The following IMMP2L variants were observed in gnomAD, a reference collection of about 807,000 sequenced individuals.
The protein encoded by IMMP2L is mitochondrial inner membrane protease subunit 2.
In IMMP2L, 18 loss-of-function variants were observed where a neutral mutation model predicts 19.3. That is an observed-to-expected ratio of 0.93 (90% CI 0.64 to 1.38). IMMP2L has a LOEUF of 1.38. Among genes scored for constraint, IMMP2L ranks in the 40% most tolerant of loss-of-function variants. The probability of loss-of-function intolerance (pLI) is 0.00; values close to 1 mark genes in which losing one functional copy is unlikely to be tolerated. For missense variants in IMMP2L, 233 were observed against 218.2 expected, an observed-to-expected ratio of 1.07 and a Z score of -0.43; for synonymous variants, 76 against 73.0, an observed-to-expected ratio of 1.04 and a Z score of -0.21.
chr7:111,170,601 G>A (rs1003264866), intron 3 of IMMP2L, among the ~76,000 whole-genome samples: 1 of 151,714 alleles, frequency 6.6e-6, no homozygotes, highest in Non-Finnish European at 1.5e-5. Context: ...CAAAAGGTTA[G>A]CCCTAGAAAA....
chr7:111,539,132 A>AAAGG (rs1170750244), intron 1 of IMMP2L, among the ~76,000 whole-genome samples: 62 of 61,650 alleles, frequency 1.0e-3, no homozygotes, highest in Non-Finnish European at 1.7e-3. Context: ...AAAGAAAAGA[A>AAAGG]AAGGAAGGAA....
intron 3 of IMMP2L, among the ~76,000 whole-genome samples, chr7:111,251,994 C>T (rs1476709681): frequency 1.3e-5 from 2 of 151,770 alleles, no homozygotes; most frequent in Admixed American, 6.6e-5. Context: ...AAACTCTCTC[C>T]TGAAAAAAAA....
chr7:111,002,005 C>G (rs1823755707), intron 3 of IMMP2L, among the ~76,000 whole-genome samples: 1 of 151,908 alleles, frequency 6.6e-6, no homozygotes, highest in Non-Finnish European at 1.5e-5. Flanking sequence ...ACTGAGCAAA[C>G]TAAAATTAAA....
chr7:111,186,287 G>A (rs1808254239), intron 3 of IMMP2L, among the ~76,000 whole-genome samples: 1 of 152,142 alleles, frequency 6.6e-6, no homozygotes, highest in South Asian at 2.1e-4. Flanking sequence ...GCGGGCATGT[G>A]ATTGTCACAA....
At chr7:110,916,912 T>G (rs1216803236) in intron 4 of IMMP2L, among the ~76,000 whole-genome samples, 2 of 152,268 alleles carry the variant, frequency 1.3e-5, no homozygotes, top group African/African-American at 4.8e-5. Flanking sequence ...AAAAAGATGT[T>G]TGCAGTTGGT....
chr7:111,217,439 A>C (rs776355088), intron 3 of IMMP2L, among the ~76,000 whole-genome samples: 16 of 152,024 alleles, frequency 1.1e-4, no homozygotes, highest in Non-Finnish European at 1.9e-4. Context: ...GATGGTGTTC[A>C]CCTTAGACTA....
intron 5 of IMMP2L, among the ~76,000 whole-genome samples, chr7:110,862,104 G>A (rs1396561814): frequency 6.6e-6 from 1 of 151,936 alleles, no homozygotes; most frequent in Non-Finnish European, 1.5e-5. Flanking sequence ...TGCATGTATG[G>A]ATAAGCAACA....
intron 3 of IMMP2L, among the ~76,000 whole-genome samples, chr7:111,020,078 A>G (rs1044015846): frequency 2.0e-5 from 3 of 148,278 alleles, no homozygotes; most frequent in African/African-American, 7.6e-5. Flanking sequence ...CACTAGGGAT[A>G]CAACAATTAA....
At chr7:111,492,977 G>A (rs996085044) in intron 2 of IMMP2L, among the ~76,000 whole-genome samples, 7 of 152,080 alleles carry the variant, frequency 4.6e-5, no homozygotes, top group African/African-American at 1.4e-4. Context: ...TGCTGAAACC[G>A]TGTCTTAGCC....
intron 5 of IMMP2L, among the ~76,000 whole-genome samples, chr7:110,832,735 C>G (rs1435919532): frequency 6.6e-6 from 1 of 152,062 alleles, no homozygotes; most frequent in Non-Finnish European, 1.5e-5. Flanking sequence ...TAGAATTCTT[C>G]ATAGGAATTC....
intron 3 of IMMP2L, among the ~76,000 whole-genome samples, chr7:111,031,088 T>A (rs555082569): frequency 6.6e-6 from 1 of 151,836 alleles, no homozygotes; most frequent in East Asian, 1.9e-4. Flanking sequence ...AACACATGTT[T>A]AGCTTAATAT....
At chr7:110,937,225 G>A (rs1333552306) in intron 4 of IMMP2L, among the ~76,000 whole-genome samples, 2 of 151,984 alleles carry the variant, frequency 1.3e-5, no homozygotes, top group African/African-American at 2.4e-5. Flanking sequence ...AAAACATTAC[G>A]CTAAGTGAAA....
chr7:111,501,905 C>G (rs1844306474), intron 2 of IMMP2L, among the ~76,000 whole-genome samples: 1 of 152,144 alleles, frequency 6.6e-6, no homozygotes, highest in African/African-American at 2.4e-5. Context: ...TAGGAAGAAA[C>G]TGCATCAACT....
At chr7:111,087,477 A>C (rs1019240568) in intron 3 of IMMP2L, among the ~76,000 whole-genome samples, 2 of 151,748 alleles carry the variant, frequency 1.3e-5, no homozygotes, top group African/African-American at 4.8e-5. Flanking sequence ...AAAAACAACG[A>C]AACACTAGAA....
intron 3 of IMMP2L, among the ~76,000 whole-genome samples, chr7:110,979,419 T>C (rs1209579959): frequency 1.3e-5 from 2 of 152,168 alleles, no homozygotes; most frequent in Admixed American, 6.5e-5. Flanking sequence ...TTACAGATGA[T>C]GTTTTGTCAT....
chr7:111,443,895 A>G (rs1366671997), intron 3 of IMMP2L, among the ~76,000 whole-genome samples: 1 of 152,132 alleles, frequency 6.6e-6, no homozygotes, highest in Admixed American at 6.6e-5. Context: ...GGAAAAGTTT[A>G]GGTGGCATTA....
chr7:110,851,925 G>C (rs1226705307), intron 5 of IMMP2L, among the ~76,000 whole-genome samples: 1 of 152,022 alleles, frequency 6.6e-6, no homozygotes, highest in African/African-American at 2.4e-5. Flanking sequence ...CTAAGAGCTG[G>C]AGTCTACATC....
Position 111,013,968 on chromosome 7 carries a change from C to T in IMMP2L, c.240-50403G>A, listed in dbSNP as rs747146107. Among the ~76,000 whole-genome samples the T allele has an allele frequency of 2.0e-4, 31 of 152,180 alleles. 1 individual carries two copies. Among genetic ancestry groups the T allele is most frequent in the Non-Finnish European group, 3.8e-4 (26 of 68,012 alleles). ...TGACCTAGGGGTCAAGTCAGGAAAA[C>T]TGGACATATTTCCAGCTTCTCAAGT... On this transcript the variant is annotated intron_variant, in intron 3 of 5. Coordinates refer to ENST00000405709, the MANE Select transcript of IMMP2L (RefSeq NM_032549.4).
intron 3 of IMMP2L, among the ~76,000 whole-genome samples, chr7:110,976,256 A>T (rs1002724477): frequency 1.4e-4 from 20 of 143,188 alleles, no homozygotes; most frequent in Non-Finnish European, 4.8e-5. Context: ...CTGCACTTAT[A>T]AAAAAACAAG....
Sources: gnomAD v4.1 joint callset for allele counts (sites outside exome capture counted in the v4.1 genomes callset) on GRCh38, gnomAD v4.1.1 for gene constraint, MANE v1.5 for transcripts, NCBI Gene and HGNC (gene_info 2026-07-23, HGNC 2026-07-21) for gene names.